Variants in CUL3 observed in about 807,000 individuals in gnomAD.
CUL3 encodes cullin 3.
In CUL3, 19 loss-of-function variants were observed where a neutral mutation model predicts 89.1. That is an observed-to-expected ratio of 0.21 (90% CI 0.15 to 0.31). CUL3 has a LOEUF of 0.31. CUL3 is among the 10% of genes least tolerant of loss of function. The pLI is 1.00. For synonymous variants in CUL3, 351 were observed against 308.4 expected, an observed-to-expected ratio of 1.14 and a Z score of -1.45; for missense variants, 469 against 942.3, an observed-to-expected ratio of 0.50 and a Z score of 6.58.
intron 5 of CUL3, among the ~76,000 whole-genome samples, chr2:224,512,448 T>C (rs1194018034): frequency 6.6e-6 from 1 of 152,208 alleles, no homozygotes; most frequent in Non-Finnish European, 1.5e-5. Flanking sequence ...ACAAAATTCC[T>C]ACTGTTAACT....
At position 224,473,361 on chromosome 2, in the gene CUL3, T is replaced by C. The variant is rs1009587078; in HGVS notation, c.*884A>G. On this transcript the variant is annotated 3_prime_UTR_variant, in exon 16 of 16. Coordinates refer to ENST00000264414, the MANE Select transcript of CUL3 (RefSeq NM_003590.5). ...CTTTTCAGAGGGGCTGAATTAAATA[T>C]AACCAGCTGCCAACTTTGTGCTCTG... 2 of 194,318 alleles carry C rather than the reference T, an allele frequency of 1.0e-5. No individual in the cohort carries two copies. Among genetic ancestry groups the C allele is most frequent in the African/African-American group, 4.6e-5 (2 of 43,122 alleles). The allele number at this position is 194,318 out of a possible 1,614,324, so 12.0% of individuals were successfully genotyped here. A position where few individuals can be genotyped will look rare whatever the true frequency, so the allele number is the denominator to read the frequency against.
intron 1 of CUL3, among the ~76,000 whole-genome samples, chr2:224,561,864 A>G (rs1297423457): frequency 6.6e-6 from 1 of 152,118 alleles, no homozygotes. Context: ...GTTCTAATAA[A>G]GCAAACTAAG....
intron 7 of CUL3, 136 bp from the exon 8 acceptor site, chr2:224,506,268 T>C (rs1227247317): frequency 6.6e-6 from 4 of 604,836 alleles, no homozygotes; most frequent in Non-Finnish European, 1.1e-5. Flanking sequence ...AGTTTTGATA[T>C]TATTTTCAAG....
chr2:224,548,811 A>C (rs1050063655), intron 2 of CUL3, among the ~76,000 whole-genome samples: 2 of 151,636 alleles, frequency 1.3e-5, no homozygotes, highest in African/African-American at 4.8e-5. Context: ...CAGCCTGGGC[A>C]ACATGGTGGA....
At chr2:224,559,573 AGAG>A (rs1325054195) in intron 1 of CUL3, among the ~76,000 whole-genome samples, 2 of 152,174 alleles carry the variant, frequency 1.3e-5, no homozygotes, top group African/African-American at 4.8e-5. Flanking sequence ...ACAGGCAAGA[AGAG>A]GAGATTGTAC....
At chr2:224,491,573 G>GTATA (rs1188184054) in intron 13 of CUL3, among the ~76,000 whole-genome samples, 2 of 151,862 alleles carry the variant, frequency 1.3e-5, no homozygotes, top group Admixed American at 6.6e-5. Context: ...CTTCTTCTTA[G>GTATA]TATATTAGGA....
intron 2 of CUL3, among the ~76,000 whole-genome samples, chr2:224,548,769 G>A (rs549611285): frequency 4.6e-5 from 7 of 150,604 alleles, no homozygotes; most frequent in East Asian, 4.0e-4. Flanking sequence ...TTTGGGAGGC[G>A]GATGGATCAC....
chr2:224,558,630 G>A (rs958228490), intron 1 of CUL3, among the ~76,000 whole-genome samples: 3 of 152,048 alleles, frequency 2.0e-5, no homozygotes, highest in Non-Finnish European at 2.9e-5. Context: ...GCAGAATTTC[G>A]GGCCCTACTC....
chr2:224,572,677 A>AC (rs1302753371), intron 1 of CUL3, among the ~76,000 whole-genome samples: 2 of 151,042 alleles, frequency 1.3e-5, no homozygotes, highest in Admixed American at 1.3e-4. Flanking sequence ...GAAGTGATTA[A>AC]CTCATAAGGG....
At chr2:224,518,709 A>C (rs1344569218) in intron 3 of CUL3, among the ~76,000 whole-genome samples, 1 of 152,188 alleles carries the variant, frequency 6.6e-6, no homozygotes, top group Admixed American at 6.5e-5. Flanking sequence ...GGTAAAGATA[A>C]TCTCTAAAAC....
chr2:224,473,061 G>C lies in CUL3; in HGVS notation c.*1184C>G, dbSNP rs149216096. The C allele has an allele frequency of 5.0e-6, 1 of 199,776 alleles. No individual in the cohort carries two copies. The highest frequency in any genetic ancestry group is 2.3e-5 in the African/African-American group (1 of 43,558). The allele number at this position is 199,776 out of a possible 1,614,324, so 12.4% of individuals were successfully genotyped here. On this transcript the variant is annotated 3_prime_UTR_variant, in exon 16 of 16. Transcript: ENST00000264414. ...ATCTGACAAGAATCTTCAGCACAAA[G>C]CACATGTTTGAAAACGTGAAACGAT...
intron 1 of CUL3, among the ~76,000 whole-genome samples, chr2:224,577,291 G>A (rs982298933): frequency 7.2e-5 from 11 of 152,284 alleles, no homozygotes; most frequent in Non-Finnish European, 8.8e-5. Flanking sequence ...GCTAGAGGCC[G>A]GGCGCGGTGG....
At chr2:224,477,213 AC>A (rs1361628799) in intron 15 of CUL3, among the ~76,000 whole-genome samples, 1 of 152,006 alleles carries the variant, frequency 6.6e-6, no homozygotes, top group Non-Finnish European at 1.5e-5. Context: ...AAAAAACCAG[AC>A]TCTTGGGCCC....
intron 13 of CUL3, among the ~76,000 whole-genome samples, chr2:224,490,113 G>T (rs1392150959): frequency 1.3e-5 from 2 of 152,126 alleles, no homozygotes; most frequent in Non-Finnish European, 2.9e-5. Context: ...CATCATCCCT[G>T]GTCATTACGG....
At chr2:224,581,810 T>A (rs1375881238) in intron 1 of CUL3, among the ~76,000 whole-genome samples, 1 of 151,916 alleles carries the variant, frequency 6.6e-6, no homozygotes, top group Non-Finnish European at 1.5e-5. Flanking sequence ...TGAATCACCT[T>A]GCCCGGCCGA....
chr2:224,514,684 C>T lies in CUL3; in HGVS notation c.467G>A (p.Cys156Tyr), dbSNP rs2106223564. The stretch of plus-strand genomic sequence containing the variant: ...AGTTTGCCGTAGATGATCCCTAATA[C>T]ACCCATAACGTACAACTTGATCTCG... ...IFRDQVVRYG[C>Y]IRDHLRQTLL... is the part of the protein sequence containing the mutation. The change falls in exon 4 of 16, where the codon TGT becomes TAT. Residue 156 changes from cysteine (C) to tyrosine (Y), a missense_variant. Around this residue, in one of 4 missense-constraint regions of CUL3, gnomAD observed 370 missense variants for 733.2 expected, o/e 0.50. Coordinates refer to ENST00000264414, the MANE Select transcript of CUL3 (RefSeq NM_003590.5). The T allele has an allele frequency of 1.2e-6, 2 of 1,613,458 alleles. No individual in the cohort carries two copies. Among genetic ancestry groups the T allele is most frequent in the Non-Finnish European group, 1.7e-6 (2 of 1,179,514 alleles).
chr2:224,535,132 C>T (rs1400604207), intron 3 of CUL3, among the ~76,000 whole-genome samples: 2 of 152,086 alleles, frequency 1.3e-5, no homozygotes, highest in African/African-American at 4.8e-5. Context: ...CAAAAACCAC[C>T]TTCCACACTG....
In CUL3 at chr2:224,471,354, A is replaced by C. The variant is rs1432661401; in HGVS notation, c.*2891T>G. On this transcript the variant is annotated 3_prime_UTR_variant, in exon 16 of 16. Coordinates refer to ENST00000264414, the MANE Select transcript of CUL3 (RefSeq NM_003590.5). ...TGAAAATGAGTATCTTAAACTGTAA[A>C]CATTAAAACTGCTTTCCAAATTAAG... The C allele has an allele frequency of 5.0e-6, 1 of 200,452 alleles. No individual in the cohort carries two copies. Among genetic ancestry groups the C allele is most frequent in the Non-Finnish European group, 1.0e-5 (1 of 97,358 alleles). 12.4% of individuals were successfully genotyped at this position (200,452 alleles called of 1,614,324 possible). A position where few individuals can be genotyped will look rare whatever the true frequency, so the allele number is the denominator to read the frequency against.
At chr2:224,555,746 A>G (rs1264601389) in intron 2 of CUL3, among the ~76,000 whole-genome samples, 2 of 152,160 alleles carry the variant, frequency 1.3e-5, no homozygotes, top group Non-Finnish European at 2.9e-5. Context: ...CTGTTCATAT[A>G]TATCCCAAAT....
Sources: gnomAD v4.1 joint callset for allele counts (sites outside exome capture counted in the v4.1 genomes callset) on GRCh38, gnomAD v4.1.1 for gene constraint, gnomAD v4.1.1 regional missense constraint, MANE v1.5 for transcripts, NCBI Gene and HGNC (gene_info 2026-07-23, HGNC 2026-07-21) for gene names.